Variants in PTGIS observed in about 807,000 individuals in gnomAD.
PTGIS encodes prostacyclin synthase.
PTGIS carries 45 observed loss-of-function variants against 50.3 expected under a neutral mutation model. That is an observed-to-expected ratio of 0.90 (90% confidence interval 0.70 to 1.15). PTGIS has a LOEUF of 1.15. Ranked by LOEUF, PTGIS falls within the 50% of genes most tolerant of loss-of-function variation. PTGIS has a pLI of 0.00. For missense variants in PTGIS, 668 were observed against 661.3 expected (o/e 1.01, Z -0.11); for synonymous variants, 260 against 267.7 (o/e 0.97, Z 0.28).
intron 7 of PTGIS, among the ~76,000 whole-genome samples, chr20:49,513,731 A>G (rs1056978282): frequency 2.0e-5 from 3 of 152,100 alleles, no homozygotes; most frequent in Non-Finnish European, 2.9e-5. Context: ...TTGGTTCAGG[A>G]TGGACACATG....
chr20:49,509,877 C>CTTTTTTTT (rs1981262557), intron 9 of PTGIS, among the ~76,000 whole-genome samples: 2 of 115,200 alleles, frequency 1.7e-5, no homozygotes, highest in African/African-American at 3.7e-5. Flanking sequence ...TTCTTTCTTT[C>CTTTTTTTT]TTTCTTTTTT....
chr20:49,520,335 A>C (rs1486684492), intron 6 of PTGIS, among the ~76,000 whole-genome samples: 4 of 138,586 alleles, frequency 2.9e-5, no homozygotes, highest in Middle Eastern at 3.4e-3. Context: ...TCCCTCTAAT[A>C]CTTTTTTTTT....
At chr20:49,539,744 C>A in intron 4 of PTGIS, 23 bp from the exon 5 acceptor site, 1 of 1,604,240 alleles carries the variant, frequency 6.2e-7, no homozygotes, top group South Asian at 1.1e-5. Context: ...GACAGAGGGT[C>A]AGGGGTCCTC....
At chr20:49,524,260 G>A (rs534534693) in intron 5 of PTGIS, 21 bp from the exon 6 acceptor site, 15 of 1,612,354 alleles carry the variant, frequency 9.3e-6, no homozygotes, top group Non-Finnish European at 1.2e-5. Flanking sequence ...AGAGCACAGA[G>A]AGTAGGGGTT....
chr20:49,552,357 A>T lies in PTGIS; in HGVS notation c.75-2168T>A, dbSNP rs150877768. Among the ~76,000 whole-genome samples the T allele has an allele frequency of 4.7e-3, 723 of 152,292 alleles. 9 individuals carry two copies. Among genetic ancestry groups the T allele is most frequent in the African/African-American group, 0.017 (699 of 41,568 alleles). On this transcript the variant is annotated intron_variant, in intron 1 of 9. Transcript: ENST00000244043. Reference sequence around the variant, plus strand: ...GACTCTGCCCAGAGCTCAGAGGTCCAGTTAAAAGACAGAGACTAAATTTAA... The same window carrying T: ...GACTCTGCCCAGAGCTCAGAGGTCCTGTTAAAAGACAGAGACTAAATTTAA...
chr20:49,534,118 T>C (rs1202436447), intron 5 of PTGIS, among the ~76,000 whole-genome samples: 1 of 152,192 alleles, frequency 6.6e-6, no homozygotes, highest in Non-Finnish European at 1.5e-5. Context: ...TTTAGATGAA[T>C]GCATAATTTA....
intron 4 of PTGIS, among the ~76,000 whole-genome samples, chr20:49,543,088 T>TAAAA (rs1982271244): frequency 6.6e-6 from 1 of 152,120 alleles, no homozygotes; most frequent in African/African-American, 2.4e-5. Flanking sequence ...TAAATTAAAT[T>TAAAA]TAAATTAAAT....
chr20:49,563,887 C>T (rs1982835055), intron 1 of PTGIS, among the ~76,000 whole-genome samples: 1 of 152,234 alleles, frequency 6.6e-6, no homozygotes, highest in African/African-American at 2.4e-5. Flanking sequence ...GGTGGTCACA[C>T]AAGCCCAAAG....
intron 3 of PTGIS, among the ~76,000 whole-genome samples, chr20:49,547,626 CAAACAAACAAAA>C (rs1201477225): frequency 1.3e-5 from 2 of 152,134 alleles, no homozygotes; most frequent in African/African-American, 4.8e-5. Flanking sequence ...AACAAACAAA[CAAACAAACAAAA>C]AAACCCGCCA....
chr20:49,559,351 C>T lies in PTGIS; in HGVS notation c.74+8692G>A, dbSNP rs146735179. Among the ~76,000 whole-genome samples, 38 of 152,246 alleles carry T rather than the reference C, an allele frequency of 2.5e-4. No homozygotes were observed. In the East Asian group the frequency reaches 4.8e-3, roughly 19 times the overall value. Reference sequence around the variant, plus strand: ...ACATTCCTCCTCTTGCCTTCGGAAACGCCCTGGTCTGTCTATGGTGTGGCC... The same window carrying T: ...ACATTCCTCCTCTTGCCTTCGGAAATGCCCTGGTCTGTCTATGGTGTGGCC... On this transcript the variant is annotated intron_variant, in intron 1 of 9. Transcript: ENST00000244043.
At chr20:49,545,538 G>A (rs1319335448) in intron 3 of PTGIS, among the ~76,000 whole-genome samples, 2 of 152,178 alleles carry the variant, frequency 1.3e-5, no homozygotes, top group Admixed American at 6.6e-5. Flanking sequence ...GTGAGGAGAG[G>A]CCCCGTCTGG....
rs752126956 is a variant in PTGIS at position 49,550,074 on chromosome 20, T to A, written c.190A>T (p.Ile64Phe). The change falls in exon 2 of 10, where the codon ATC becomes TTC. Residue 64 changes from isoleucine to phenylalanine, a missense_variant. Transcript: ENST00000244043. ...GCACAAGAGGCACTTACAGTAAAGA[T>A]GTCACCGTGCTTCTCCTTCATCCTC... ...LTRMKEKHGD[I>F]FTILVGGRYV... The A allele has an allele frequency of 3.7e-6, 6 of 1,614,182 alleles. No homozygotes were observed. Among genetic ancestry groups the A allele is most frequent in the Non-Finnish European group, 5.1e-6 (6 of 1,180,026 alleles).
intron 9 of PTGIS, among the ~76,000 whole-genome samples, chr20:49,508,812 C>G (rs2122833260): frequency 6.6e-6 from 1 of 152,334 alleles, no homozygotes; most frequent in Non-Finnish European, 1.5e-5. Flanking sequence ...GCTGCCATGC[C>G]TATGATGTAA....
intron 9 of PTGIS, among the ~76,000 whole-genome samples, chr20:49,508,797 T>G (rs1461727338): frequency 6.6e-6 from 1 of 152,208 alleles, no homozygotes; most frequent in Non-Finnish European, 1.5e-5. Context: ...TAATAACTAT[T>G]CGCAGCTGCC....
intron 3 of PTGIS, among the ~76,000 whole-genome samples, chr20:49,547,541 G>C (rs1410594096): frequency 6.6e-6 from 1 of 151,984 alleles, no homozygotes; most frequent in African/African-American, 2.4e-5. Flanking sequence ...GATGGGGCTG[G>C]GATTTGAATT....
chr20:49,530,036 C>T (rs986862390), intron 5 of PTGIS, among the ~76,000 whole-genome samples: 13 of 151,896 alleles, frequency 8.6e-5, no homozygotes, highest in South Asian at 2.1e-4. Flanking sequence ...TGCCTGTAAT[C>T]CCAGCTACTC....
At chr20:49,539,513 C>T in intron 5 of PTGIS, 57 bp downstream of exon 5, 2 of 1,576,754 alleles carry the variant, frequency 1.3e-6, no homozygotes, top group Non-Finnish European at 8.6e-7. Context: ...GAATTGGGCT[C>T]CCCCTCTGGG....
chr20:49,550,578 T>A (rs1469950377), intron 1 of PTGIS, among the ~76,000 whole-genome samples: 1 of 152,210 alleles, frequency 6.6e-6, no homozygotes, highest in African/African-American at 2.4e-5. Context: ...ATGAAGGGAC[T>A]CCATGTAGGT....
intron 1 of PTGIS, 103 bp downstream of exon 1, chr20:49,567,940 G>A: frequency 8.8e-7 from 1 of 1,136,948 alleles, no homozygotes; most frequent in Non-Finnish European, 1.2e-6. Context: ...TACTGGAGCG[G>A]GACTCGGGCC....
Sources: gnomAD v4.1 joint callset for allele counts (sites outside exome capture counted in the v4.1 genomes callset) on GRCh38, gnomAD v4.1.1 for gene constraint, MANE v1.5 for transcripts, NCBI Gene and HGNC (gene_info 2026-07-23, HGNC 2026-07-21) for gene names.